Variants in CDH13 observed in about 807,000 individuals in gnomAD.
CDH13 encodes cadherin-13.
In CDH13, 24 loss-of-function variants were observed where a neutral mutation model predicts 63.8. The ratio of observed to expected loss-of-function variants is 0.38; its 90% confidence interval spans 0.27 to 0.53. The LOEUF is 0.53. Among genes scored for constraint, CDH13 ranks in the 20% least tolerant of loss-of-function variants. CDH13 has a pLI of 0.85. For synonymous variants in CDH13, 503 were observed against 355.3 expected, an observed-to-expected ratio of 1.42 and a Z score of -4.67; for missense variants, 1,049 against 903.1, an observed-to-expected ratio of 1.16 and a Z score of -2.07.
At chr16:83,487,898 A>T (rs1349628916) in intron 7 of CDH13, among the ~76,000 whole-genome samples, 1 of 152,092 alleles carries the variant, frequency 6.6e-6, no homozygotes, top group Non-Finnish European at 1.5e-5. Flanking sequence ...AACCCCTTCT[A>T]AGAAGCTGTC....
At chr16:82,816,803 C>T (rs987687328) in intron 1 of CDH13, among the ~76,000 whole-genome samples, 9 of 122,318 alleles carry the variant, frequency 7.4e-5, no homozygotes, top group Admixed American at 2.1e-4. Context: ...CTAGAAACTT[C>T]GGGGGGCGGG....
intron 6 of CDH13, among the ~76,000 whole-genome samples, chr16:83,457,225 G>C (rs1272483670): frequency 6.6e-6 from 1 of 152,234 alleles, no homozygotes; most frequent in African/African-American, 2.4e-5. Flanking sequence ...GGTTGTTTTG[G>C]GGATTAGACC....
At chr16:83,541,330 C>T (rs2075292066) in intron 7 of CDH13, among the ~76,000 whole-genome samples, 1 of 152,162 alleles carries the variant, frequency 6.6e-6, no homozygotes, top group Non-Finnish European at 1.5e-5. Context: ...GAAATATGAT[C>T]ACTTCATTAT....
intron 7 of CDH13, among the ~76,000 whole-genome samples, chr16:83,553,545 G>C (rs905027493): frequency 7.2e-5 from 11 of 151,750 alleles, no homozygotes. Flanking sequence ...AAAGTGATGG[G>C]TTTTTTTTGT....
intron 2 of CDH13, among the ~76,000 whole-genome samples, chr16:82,998,716 T>C (rs1253929637): frequency 6.6e-6 from 1 of 152,214 alleles, no homozygotes; most frequent in East Asian, 1.9e-4. Context: ...TAAATGGATT[T>C]AGTATGTTCC....
At chr16:83,275,080 G>T (rs910389757) in intron 5 of CDH13, among the ~76,000 whole-genome samples, 1 of 152,240 alleles carries the variant, frequency 6.6e-6, no homozygotes, top group East Asian at 1.9e-4. Flanking sequence ...GGCAGGGATC[G>T]TTGGTCACTC....
intron 5 of CDH13, among the ~76,000 whole-genome samples, chr16:83,278,852 C>A (rs1325658894): frequency 3.9e-5 from 6 of 152,094 alleles, no homozygotes; most frequent in Admixed American, 3.9e-4. Context: ...AACATGACTA[C>A]CTTGCCTGGA....
chr16:82,960,641 G>A (rs1177108216), intron 2 of CDH13, among the ~76,000 whole-genome samples: 4 of 152,014 alleles, frequency 2.6e-5, no homozygotes, highest in African/African-American at 7.2e-5. Context: ...TTTCCATTTC[G>A]GTATAGCAGG....
Position 82,886,066 on chromosome 16 carries a change from G to A in CDH13, c.157+27593G>A, listed in dbSNP as rs530280386. Among the ~76,000 whole-genome samples, 6 of 152,116 alleles carry A rather than the reference G, an allele frequency of 3.9e-5. No individual in the cohort carries two copies. The South Asian group carries it at 8.3e-4, about 21-fold the overall frequency. On this transcript the variant is annotated intron_variant, in intron 2 of 13. Transcript: ENST00000567109. ...TAAATGCAGTCATAAATATACACAT[G>A]TATATTTCATTTATGTTACTGATAT...
At chr16:83,410,295 T>G (rs1459667326) in intron 6 of CDH13, among the ~76,000 whole-genome samples, 1 of 152,234 alleles carries the variant, frequency 6.6e-6, no homozygotes, top group African/African-American at 2.4e-5. Context: ...GGAATGGGTA[T>G]TTATTTATTG....
At chr16:83,293,330 C>G (rs555069427) in intron 5 of CDH13, among the ~76,000 whole-genome samples, 3 of 152,086 alleles carry the variant, frequency 2.0e-5, no homozygotes, top group African/African-American at 7.2e-5. Context: ...TGTAACCTTC[C>G]CCATGCCTTC....
chr16:82,772,128 G>A (rs923545257), intron 1 of CDH13, among the ~76,000 whole-genome samples: 19 of 152,136 alleles, frequency 1.2e-4, no homozygotes, highest in African/African-American at 3.4e-4. Flanking sequence ...ATGTTAAATT[G>A]TTAGGAATTT....
intron 2 of CDH13, among the ~76,000 whole-genome samples, chr16:82,981,383 GC>G (rs1910243712): frequency 6.6e-6 from 1 of 152,002 alleles, no homozygotes; most frequent in South Asian, 2.1e-4. Flanking sequence ...CAGTCTTGAA[GC>G]CCTCTCCTTG....
intron 3 of CDH13, among the ~76,000 whole-genome samples, chr16:83,057,066 AAGTGATTCT>A (rs1439421962): frequency 6.6e-6 from 1 of 152,098 alleles, no homozygotes; most frequent in East Asian, 1.9e-4. Context: ...TCCCTGGTTC[AAGTGATTCT>A]CCTGCCTCAG....
intron 1 of CDH13, among the ~76,000 whole-genome samples, chr16:82,683,298 G>C (rs1252777126): frequency 6.6e-6 from 1 of 152,110 alleles, no homozygotes; most frequent in African/African-American, 2.4e-5. Context: ...AACCTTTCTA[G>C]CTTGTCTGCT....
intron 10 of CDH13, among the ~76,000 whole-genome samples, chr16:83,699,826 C>G (rs1466399726): frequency 6.6e-6 from 1 of 152,220 alleles, no homozygotes; most frequent in Non-Finnish European, 1.5e-5. Flanking sequence ...GTCTGTATTT[C>G]TCACAAGGCA....
intron 10 of CDH13, among the ~76,000 whole-genome samples, chr16:83,696,449 A>C (rs1184206581): frequency 6.6e-6 from 1 of 152,102 alleles, no homozygotes; most frequent in Admixed American, 6.5e-5. Flanking sequence ...CAATAGAGTG[A>C]GCACATGAAG....
Position 83,678,312 on chromosome 16 carries a change from C to G in CDH13, c.1389C>G (p.Thr463=). The change falls in exon 10 of 14, where the codon ACC becomes ACG. Residue 463 remains threonine (T), a synonymous_variant. Coordinates refer to ENST00000567109, the MANE Select transcript of CDH13 (RefSeq NM_001257.5). ...CCTACGGCCCCAGCTCCACAGCCAC[C>G]GTCCACATCACTGTCCTGGATGTCA... ...DVSYGPSSTA[T]VHITVLDVNE... 6.2e-7 allele frequency: 1 copy of G among 1,613,996 alleles called. No homozygotes were observed. The highest frequency in any genetic ancestry group is 2.2e-5 in the East Asian group (1 of 44,874).
intron 4 of CDH13, among the ~76,000 whole-genome samples, chr16:83,216,427 T>TATATATAAATATAA (rs1555513896): frequency 4.4e-5 from 2 of 45,070 alleles, no homozygotes; most frequent in African/African-American, 5.9e-5. Flanking sequence ...TATATATATA[T>TATATATAAATATAA]ATATATATAT....
Sources: allele counts gnomAD v4.1 joint callset (sites outside exome capture counted in the v4.1 genomes callset), GRCh38; gene constraint gnomAD v4.1.1; transcripts MANE v1.5; gene names NCBI Gene and HGNC (gene_info 2026-07-23, HGNC 2026-07-21).